BCKDHB: variants seen among roughly 807,000 people sequenced by gnomAD.
The protein encoded by BCKDHB is 2-oxoisovalerate dehydrogenase subunit beta, mitochondrial.
BCKDHB carries 41 observed loss-of-function variants against 48.5 expected under a neutral mutation model. The ratio of observed to expected loss-of-function variants is 0.85; its 90% CI spans 0.66 to 1.10. The LOEUF is 1.10. Among genes scored for constraint, BCKDHB ranks in the 50% least tolerant of loss-of-function variants. The pLI is 0.00. For synonymous variants in BCKDHB, 201 were observed against 174.8 expected (o/e 1.15, Z -1.18); for missense variants, 496 against 494.2 (o/e 1.00, Z -0.03).
intron 6 of BCKDHB, among the ~76,000 whole-genome samples, chr6:80,180,531 T>C (rs978173013): frequency 6.6e-6 from 1 of 152,244 alleles, no homozygotes; most frequent in African/African-American, 2.4e-5. Flanking sequence ...TTAAATATGA[T>C]TTTCATCTGT....
At chr6:80,141,845 G>T (rs753552844) in intron 3 of BCKDHB, among the ~76,000 whole-genome samples, 3 of 151,952 alleles carry the variant, frequency 2.0e-5, no homozygotes, top group Non-Finnish European at 4.4e-5. Context: ...ACATCCTCAA[G>T]CCACACATCC....
the BCKDHB span, among the ~76,000 whole-genome samples, chr6:80,409,676 A>G: frequency 7.5e-6 from 1 of 133,692 alleles, no homozygotes; most frequent in African/African-American, 2.7e-5. Flanking sequence ...ACCATTATGT[A>G]ATGGCCTTCT....
chr6:80,276,418 ATTCTT>A (rs1394097215), intron 9 of BCKDHB, among the ~76,000 whole-genome samples: 3 of 151,968 alleles, frequency 2.0e-5, no homozygotes, highest in African/African-American at 4.8e-5. Context: ...TATGGAGAGT[ATTCTT>A]TTAAGTTTAT....
the BCKDHB span, among the ~76,000 whole-genome samples, chr6:80,376,911 T>C: frequency 6.6e-6 from 1 of 152,220 alleles, no homozygotes; most frequent in East Asian, 1.9e-4. Context: ...TTTTCAATAT[T>C]GAGTTGTAGT....
chr6:80,169,687 G>C (rs1772794581), intron 5 of BCKDHB: 1 of 745,716 alleles, frequency 1.3e-6, no homozygotes, highest in Admixed American at 3.9e-5. Flanking sequence ...CTTTTCAGGG[G>C]ATCATTGTAG....
At chr6:80,406,831 C>T in the BCKDHB span, among the ~76,000 whole-genome samples, 4 of 152,168 alleles carry the variant, frequency 2.6e-5, no homozygotes, top group African/African-American at 9.7e-5. Context: ...ATGATGGTTT[C>T]TTTTACTGTG....
At chr6:80,430,636 G>T in the BCKDHB span, among the ~76,000 whole-genome samples, 1 of 152,116 alleles carries the variant, frequency 6.6e-6, no homozygotes, top group African/African-American at 2.4e-5. Context: ...TGTGATGGTA[G>T]TTTGTATTGC....
At chr6:80,234,071 A>G (rs749863979) in intron 8 of BCKDHB, among the ~76,000 whole-genome samples, 3 of 152,140 alleles carry the variant, frequency 2.0e-5, no homozygotes, top group African/African-American at 4.8e-5. Flanking sequence ...TAGTGTTTGC[A>G]CTTCTATGAG....
chr6:80,373,229 G>T, the BCKDHB span, among the ~76,000 whole-genome samples: 1 of 152,184 alleles, frequency 6.6e-6, no homozygotes, highest in South Asian at 2.1e-4. Flanking sequence ...TCTAGTTTGT[G>T]CACATAAAGG....
chr6:80,175,678 C>T (rs1355247035), intron 6 of BCKDHB, among the ~76,000 whole-genome samples: 3 of 152,168 alleles, frequency 2.0e-5, no homozygotes, highest in Admixed American at 6.5e-5. Context: ...AAGCTAAGCT[C>T]CATCCATCTG....
intron 7 of BCKDHB, 132 bp downstream of exon 7, chr6:80,201,163 A>C: frequency 1.3e-6 from 1 of 771,648 alleles, no homozygotes; most frequent in South Asian, 1.5e-5. Flanking sequence ...TACTGATGCT[A>C]ATTTCTTTTT....
the BCKDHB span, among the ~76,000 whole-genome samples, chr6:80,414,508 G>A: frequency 6.6e-6 from 1 of 152,030 alleles, no homozygotes. Context: ...TTGCATATGG[G>A]TAGGCTGTTA....
At chr6:80,220,204 C>T (rs1020594082) in intron 8 of BCKDHB, among the ~76,000 whole-genome samples, 1 of 150,966 alleles carries the variant, frequency 6.6e-6, no homozygotes, top group Non-Finnish European at 1.5e-5. Flanking sequence ...CAGTGTTTTG[C>T]ATATTTCCTT....
chr6:80,328,911 C>T (rs997956762), intron 9 of BCKDHB, among the ~76,000 whole-genome samples: 16 of 152,082 alleles, frequency 1.1e-4, no homozygotes, highest in Non-Finnish European at 8.8e-5. Context: ...ATACAATAGA[C>T]AACATTTATA....
intron 9 of BCKDHB, among the ~76,000 whole-genome samples, chr6:80,329,959 A>G (rs887561211): frequency 2.6e-5 from 4 of 152,200 alleles, no homozygotes; most frequent in African/African-American, 7.2e-5. Context: ...TGATTGAAAC[A>G]TGAATGCATT....
chr6:80,147,863 G>C (rs923673571), intron 3 of BCKDHB, among the ~76,000 whole-genome samples: 14 of 152,120 alleles, frequency 9.2e-5, no homozygotes, highest in African/African-American at 3.1e-4. Flanking sequence ...AGGGATAGGT[G>C]ATGAGGCATC....
intron 3 of BCKDHB, among the ~76,000 whole-genome samples, chr6:80,155,315 G>T (rs1303372967): frequency 2.0e-5 from 3 of 152,090 alleles, no homozygotes; most frequent in Non-Finnish European, 2.9e-5. Flanking sequence ...TTTTGTATTT[G>T]TGGCTGTGGT....
the BCKDHB span, among the ~76,000 whole-genome samples, chr6:80,352,733 A>G: frequency 1.6e-3 from 245 of 152,308 alleles, 1 homozygote; most frequent in African/African-American, 5.6e-3. Flanking sequence ...TATATTTCAT[A>G]TATATGACAT....
intron 3 of BCKDHB, among the ~76,000 whole-genome samples, chr6:80,156,892 T>A (rs888953234): frequency 3.3e-5 from 5 of 152,228 alleles, no homozygotes; most frequent in Non-Finnish European, 7.3e-5. Context: ...TGAATTTAAT[T>A]GGTTAGGTAG....
Sources: gnomAD v4.1 joint callset for allele counts (sites outside exome capture counted in the v4.1 genomes callset) on GRCh38, gnomAD v4.1.1 for gene constraint, MANE v1.5 for transcripts, NCBI Gene and HGNC (gene_info 2026-07-23, HGNC 2026-07-21) for gene names.